The following ELOC variants were observed in gnomAD, a reference collection of about 807,000 sequenced individuals.
ELOC encodes the protein elongin C.
For missense variants in ELOC, 38 were observed against 139.0 expected (o/e 0.27, Z 3.65); for synonymous variants, 40 against 51.3 (o/e 0.78, Z 0.94).
Position 73,946,574 on chromosome 8 carries a change from G to T in ELOC, c.*56C>A. ...GCTATATATGAAAAAGTTACTAACTGAACTACAGGTATTAAATACTGAAAA... is the reference window on the plus strand; with the variant it reads ...GCTATATATGAAAAAGTTACTAACTTAACTACAGGTATTAAATACTGAAAA... On this transcript the variant is annotated 3_prime_UTR_variant, in exon 4 of 4. Transcript: ENST00000520242. The T allele has an allele frequency of 3.6e-6, 5 of 1,376,762 alleles. No individual in the cohort carries two copies. Among genetic ancestry groups the T allele is most frequent in the Non-Finnish European group, 4.9e-6 (5 of 1,021,370 alleles). The allele number at this position is 1,376,762 out of a possible 1,614,324, so 85.3% of individuals were successfully genotyped here.
intron 1 of ELOC, among the ~76,000 whole-genome samples, chr8:73,969,168 G>A (rs746666391): frequency 6.6e-6 from 1 of 151,968 alleles, no homozygotes; most frequent in Non-Finnish European, 1.5e-5. Context: ...ACTAGTTATC[G>A]AACTCAGTAA....
intron 3 of ELOC, 94 bp from the exon 4 acceptor site, chr8:73,946,914 C>T: frequency 9.7e-7 from 1 of 1,035,876 alleles, no homozygotes; most frequent in Non-Finnish European, 1.4e-6. Context: ...CAGAATGTGG[C>T]TGTATTTAGA....
intron 1 of ELOC, among the ~76,000 whole-genome samples, chr8:73,970,403 T>C (rs910791584): frequency 2.6e-5 from 4 of 152,216 alleles, no homozygotes; most frequent in African/African-American, 9.6e-5. Context: ...CTTCTGGCTG[T>C]AAACTAGTGC....
At chr8:73,956,610 T>C (rs1475666464) in intron 2 of ELOC, among the ~76,000 whole-genome samples, 1 of 151,910 alleles carries the variant, frequency 6.6e-6, no homozygotes, top group East Asian at 1.9e-4. Flanking sequence ...TTCAAGGAGG[T>C]GTTAACAGTT....
At chr8:73,963,123 A>G (rs12541216) in intron 1 of ELOC, among the ~76,000 whole-genome samples, 47,200 of 152,032 alleles carry the variant, frequency 0.31, 7,548 homozygotes, top group Admixed American at 0.39. Flanking sequence ...TATGCTTTTA[A>G]GGTGTTACAT....
At chr8:73,967,472 T>TC (rs201824667) in intron 1 of ELOC, among the ~76,000 whole-genome samples, 2,335 of 150,342 alleles carry the variant, frequency 0.016, 23 homozygotes, top group Non-Finnish European at 0.025. Context: ...TCTTTTCTTT[T>TC]TTTTTTTTTT....
At chr8:73,950,254 A>T (rs574505848) in intron 3 of ELOC, among the ~76,000 whole-genome samples, 1 of 152,220 alleles carries the variant, frequency 6.6e-6, no homozygotes, top group Non-Finnish European at 1.5e-5. Flanking sequence ...ATAAAAATGA[A>T]GCAAATGGAA....
chr8:73,970,675 T>G (rs183551133), intron 1 of ELOC: 2 of 152,102 alleles, frequency 1.3e-5, no homozygotes, highest in Non-Finnish European at 2.9e-5. Flanking sequence ...AGATCAGACA[T>G]ATGTCATTTT....
intron 1 of ELOC, among the ~76,000 whole-genome samples, chr8:73,963,484 G>A (rs1421416872): frequency 3.3e-5 from 5 of 152,086 alleles, no homozygotes; most frequent in Non-Finnish European, 7.4e-5. Context: ...TGCTCGTGTT[G>A]TTAAAAGCTT....
chr8:73,959,097 C>G (rs143246347), intron 2 of ELOC, among the ~76,000 whole-genome samples: 6 of 152,140 alleles, frequency 3.9e-5, no homozygotes, highest in Admixed American at 3.9e-4. Flanking sequence ...GTATAGGGCA[C>G]TCACGATGAA....
intron 3 of ELOC, among the ~76,000 whole-genome samples, chr8:73,952,149 A>G (rs1813812111): frequency 6.6e-6 from 1 of 152,176 alleles, no homozygotes; most frequent in Admixed American, 6.6e-5. Context: ...TCACACTTCA[A>G]AATTAAAACT....
intron 2 of ELOC, among the ~76,000 whole-genome samples, chr8:73,956,552 T>A (rs909374596): frequency 6.6e-6 from 1 of 152,210 alleles, no homozygotes; most frequent in Non-Finnish European, 1.5e-5. Flanking sequence ...ATTATCAGAA[T>A]AAACTGTAGA....
intron 1 of ELOC, among the ~76,000 whole-genome samples, chr8:73,960,172 T>C (rs1371792904): frequency 1.3e-5 from 2 of 152,220 alleles, no homozygotes; most frequent in Non-Finnish European, 2.9e-5. Context: ...TTAAAATACA[T>C]ACACGGAACA....
intron 2 of ELOC, among the ~76,000 whole-genome samples, chr8:73,957,978 T>C (rs1317464905): frequency 6.6e-6 from 1 of 152,084 alleles, no homozygotes; most frequent in Non-Finnish European, 1.5e-5. Context: ...GGTTTCACCA[T>C]GTTGGTCAGG....
At chr8:73,964,952 G>A (rs1447038618) in intron 1 of ELOC, among the ~76,000 whole-genome samples, 4 of 149,296 alleles carry the variant, frequency 2.7e-5, no homozygotes, top group Admixed American at 2.0e-4. Flanking sequence ...ACCTGAGCCC[G>A]AGGAGGGTAA....
intron 3 of ELOC, chr8:73,955,603 CT>C: frequency 3.7e-6 from 1 of 269,666 alleles, no homozygotes; most frequent in Non-Finnish European, 7.1e-6. Flanking sequence ...AAGACTCTGT[CT>C]CAAAAAAAAA....
intron 2 of ELOC, 130 bp downstream of exon 2, chr8:73,959,635 T>C (rs1270702586): frequency 7.3e-6 from 5 of 686,528 alleles, no homozygotes; most frequent in Non-Finnish European, 1.2e-5. Context: ...GTAGTAAACA[T>C]AAGCTGTTGA....
At chr8:73,965,400 G>T (rs904204657) in intron 1 of ELOC, among the ~76,000 whole-genome samples, 1 of 152,024 alleles carries the variant, frequency 6.6e-6, no homozygotes. Flanking sequence ...ATCATAATAG[G>T]AGAATGGATA....
intron 1 of ELOC, among the ~76,000 whole-genome samples, chr8:73,960,966 A>G (rs376042452): frequency 7.7e-6 from 1 of 130,272 alleles, no homozygotes; most frequent in African/African-American, 3.1e-5. Flanking sequence ...AAATAAATAA[A>G]TAAGAAAAAA....
Sources: allele counts gnomAD v4.1 joint callset (sites outside exome capture counted in the v4.1 genomes callset), GRCh38; gene constraint gnomAD v4.1.1; transcripts MANE v1.5; gene names NCBI Gene and HGNC (gene_info 2026-07-23, HGNC 2026-07-21).